The following CACNA2D4 variants were observed in gnomAD, a reference collection of about 807,000 sequenced individuals.
CACNA2D4 encodes the protein voltage-dependent calcium channel subunit alpha-2/delta-4.
CACNA2D4 carries 157 observed loss-of-function variants against 163.8 expected under a neutral mutation model. The ratio of observed to expected loss-of-function variants is 0.96; its 90% CI spans 0.84 to 1.09. CACNA2D4 has a LOEUF of 1.09. CACNA2D4 is among the 50% of genes least tolerant of loss of function. CACNA2D4 has a pLI of 0.00. For missense variants in CACNA2D4, 1,410 were observed against 1,479.9 expected (o/e 0.95, Z 0.78); for synonymous variants, 598 against 586.9 (o/e 1.02, Z -0.27).
chr12:1,829,605 C>T lies in CACNA2D4; in HGVS notation c.2551+11134G>A, dbSNP rs1471617155. The stretch of plus-strand genomic sequence containing the variant: ...GGAAGGGGAGAGTCTCATCCTGTTC[C>T]TTCAAGCTCCACCCTTTGGGACAGC... On this transcript the variant is annotated intron_variant, in intron 26 of 37. Transcript: ENST00000382722. The surrounding 1 kb of genome is among the most constrained non-coding windows in gnomAD (Gnocchi z 4.2). 1.3e-5 allele frequency among the ~76,000 whole-genome samples: 2 copies of T among 152,044 alleles called. No individual in the cohort carries two copies. Among genetic ancestry groups the T allele is most frequent in the East Asian group, 3.9e-4 (2 of 5,114 alleles).
At position 1,833,210 on chromosome 12, in the gene CACNA2D4, G is replaced by A. The variant is rs1864706732; in HGVS notation, c.2551+7529C>T. Among the ~76,000 whole-genome samples the A allele has an allele frequency of 6.6e-6, 1 of 152,236 alleles. No individual in the cohort carries two copies. On this transcript the variant is annotated intron_variant, in intron 26 of 37. Transcript: ENST00000382722. This position sits in a 1 kb window ranked among gnomAD's most constrained non-coding sequence, Gnocchi z 4.2. ...ATCGGCATCCCAGGGAAAGATTGAT[G>A]CCTATTGTATGAGGAGACTTGCGGC...
intron 7 of CACNA2D4, 146 bp from the exon 8 acceptor site, chr12:1,886,519 G>A: frequency 1.4e-6 from 1 of 726,852 alleles, no homozygotes. Context: ...GGTTTCACAT[G>A]TTCCATAACC....
In CACNA2D4 at chr12:1,856,070, C is replaced by T; in HGVS notation, c.2094G>A (p.Lys698=). Residue 698 remains lysine, a synonymous_variant, in exon 22 of 38, where the codon AAG becomes AAA. Transcript: ENST00000382722. The stretch of plus-strand genomic sequence containing the variant: ...GGATCATGGCCTCTAGCTGGCTGAG[C>T]TTCCGGTGGTCTGGGTCAATATCTG... ...CITDIDPDHR[K]LSQLEAMIRF... 6.2e-7 allele frequency: 1 copy of T among 1,614,038 alleles called. No individual in the cohort carries two copies. Among genetic ancestry groups the T allele is most frequent in the Non-Finnish European group, 8.5e-7 (1 of 1,179,890 alleles).
intron 26 of CACNA2D4, among the ~76,000 whole-genome samples, chr12:1,813,417 G>A (rs964445242): frequency 6.6e-6 from 1 of 152,192 alleles, no homozygotes; most frequent in African/African-American, 2.4e-5. Flanking sequence ...AGATGATGAA[G>A]ATGGCCTACA....
chr12:1,890,510 G>T (rs1866254847), intron 6 of CACNA2D4, among the ~76,000 whole-genome samples: 1 of 152,336 alleles, frequency 6.6e-6, no homozygotes, highest in Non-Finnish European at 1.5e-5. Flanking sequence ...TACAGCCGTT[G>T]CACTGTGGGC....
chr12:1,852,161 C>G (rs1865297188), intron 23 of CACNA2D4, among the ~76,000 whole-genome samples: 1 of 152,012 alleles, frequency 6.6e-6, no homozygotes, highest in Non-Finnish European at 1.5e-5. Flanking sequence ...ATAATTATGT[C>G]ATCTTTAAAC....
At position 1,874,529 on chromosome 12, in the gene CACNA2D4, C is replaced by A; in HGVS notation, c.1878+75G>T. The A allele has an allele frequency of 2.0e-6, 2 of 996,144 alleles. No homozygotes were observed. Among genetic ancestry groups the A allele is most frequent in the South Asian group, 1.3e-5 (1 of 74,206 alleles). 61.7% of individuals were successfully genotyped at this position (996,144 alleles called of 1,614,324 possible). ...AGCTATAATTAGGCTAAGTCCAGGT[C>A]CCTCGTCACTACTCCAAACCCAATT... is the stretch of plus-strand genomic sequence containing the variant. On this transcript the variant is annotated intron_variant, in intron 18 of 37. Transcript: ENST00000382722. The surrounding 1 kb of genome is among the most constrained non-coding windows in gnomAD (Gnocchi z 4.4).
At chr12:1,810,804 CTA>C (rs995376065) in intron 27 of CACNA2D4, among the ~76,000 whole-genome samples, 18 of 151,924 alleles carry the variant, frequency 1.2e-4, no homozygotes, top group Admixed American at 1.1e-3. Context: ...ATGTGTGTGT[CTA>C]TGTGTGGGGT....
chr12:1,845,741 C>A (rs947379799), intron 24 of CACNA2D4, among the ~76,000 whole-genome samples: 2 of 152,338 alleles, frequency 1.3e-5, no homozygotes, highest in South Asian at 4.1e-4. Flanking sequence ...GCCCCTGATT[C>A]CCCCAGAACC....
chr12:1,879,247 C>A lies in CACNA2D4; in HGVS notation c.1564-211G>T, dbSNP rs554719792. Among the ~76,000 whole-genome samples, 5 of 152,256 alleles carry A rather than the reference C, an allele frequency of 3.3e-5. No homozygotes were observed. The East Asian group carries it at 9.6e-4, about 29-fold the overall frequency. ...AAACCAGCTGCTAGGAAGATTAATA[C>A]CCAGTATTAATATTTAAGTTGTAAT... is the stretch of plus-strand genomic sequence containing the variant. On this transcript the variant is annotated intron_variant, in intron 14 of 37. Transcript: ENST00000382722.
intron 6 of CACNA2D4, among the ~76,000 whole-genome samples, chr12:1,903,554 G>GA (rs1035858137): frequency 6.6e-6 from 1 of 151,688 alleles, no homozygotes; most frequent in African/African-American, 2.4e-5. Context: ...TTTTAAATGG[G>GA]AAAAAATCTG....
chr12:1,910,067 G>A lies in CACNA2D4; in HGVS notation c.427-102C>T. 3.4e-6 allele frequency: 3 copies of A among 891,596 alleles called. No individual in the cohort carries two copies. The Admixed American group carries it at 5.9e-5, about 18-fold the overall frequency. The allele number at this position is 891,596 out of a possible 1,614,324, so 55.2% of individuals were successfully genotyped here. A position where few individuals can be genotyped will look rare whatever the true frequency, so the allele number is the denominator to read the frequency against. ...CGGGTGACCCAGCAATCCCACTCCTGGGTGTATGCCCAGAAGGATTGAAAA... is the reference window on the plus strand; with the variant it reads ...CGGGTGACCCAGCAATCCCACTCCTAGGTGTATGCCCAGAAGGATTGAAAA... On this transcript the variant is annotated intron_variant, in intron 3 of 37. Transcript: ENST00000382722.
At chr12:1,894,041 A>G (rs182809181) in intron 6 of CACNA2D4, among the ~76,000 whole-genome samples, 148 of 152,274 alleles carry the variant, frequency 9.7e-4, no homozygotes, top group African/African-American at 3.5e-3. Context: ...ACCCAAATGA[A>G]CAAAATCAGA....
chr12:1,891,933 T>C (rs1163547977), intron 6 of CACNA2D4, among the ~76,000 whole-genome samples: 1 of 152,168 alleles, frequency 6.6e-6, no homozygotes, highest in Admixed American at 6.5e-5. Flanking sequence ...TAGGACATCA[T>C]TAAGTGGCCA....
rs1592704924 is a variant in CACNA2D4, at chr12:1,843,004, C to A, written c.2470+1398G>T. On this transcript the variant is annotated intron_variant, in intron 25 of 37. Coordinates refer to ENST00000382722, the MANE Select transcript of CACNA2D4 (RefSeq NM_172364.5). This position sits in a 1 kb window ranked among gnomAD's most constrained non-coding sequence, Gnocchi z 4.6. ...CTCTGTGGCTCCCTTGCTGTGTGAC[C>A]CCGGGCAAGTTACAGAACCTCTCTG... 6.6e-6 allele frequency among the ~76,000 whole-genome samples: 1 copy of A among 152,062 alleles called. No individual in the cohort carries two copies. Among genetic ancestry groups the A allele is most frequent in the East Asian group, 1.9e-4 (1 of 5,156 alleles).
Position 1,801,094 on chromosome 12 carries a change from G to A in CACNA2D4, c.2817C>T (p.Ala939=), listed in dbSNP as rs2154445307. 9 of 1,613,836 alleles carry A rather than the reference G, an allele frequency of 5.6e-6. No homozygotes were observed. The highest frequency in any genetic ancestry group is 7.6e-6 in the Non-Finnish European group (9 of 1,179,844). The change falls in exon 31 of 38, where the codon GCC becomes GCT. Residue 939 remains alanine (A), a synonymous_variant. Transcript: ENST00000382722. ...FSQVTMYDYQ[A]MCKPSSHHHS... The stretch of plus-strand genomic sequence containing the variant: ...GGTGGTGACTCGAGGGTTTGCACAT[G>A]GCCTGATAGTCATACATAGTCACTC...
At chr12:1,900,177 T>C (rs1175391124) in intron 6 of CACNA2D4, among the ~76,000 whole-genome samples, 1 of 152,220 alleles carries the variant, frequency 6.6e-6, no homozygotes, top group Non-Finnish European at 1.5e-5. Context: ...TCACTCAGGC[T>C]GGAGTGCAGT....
Position 1,878,574 on chromosome 12 carries a change from C to T in CACNA2D4, c.1645-185G>A, listed in dbSNP as rs1039155689. The T allele has an allele frequency of 6.1e-5, 68 of 1,113,602 alleles. No individual in the cohort carries two copies. The highest frequency in any genetic ancestry group is 7.7e-5 in the African/African-American group (5 of 64,548). The allele number at this position is 1,113,602 out of a possible 1,614,324, so 69.0% of individuals were successfully genotyped here. A position where few individuals can be genotyped will look rare whatever the true frequency, so the allele number is the denominator to read the frequency against. On this transcript the variant is annotated intron_variant, in intron 15 of 37. Transcript: ENST00000382722. This position sits in a 1 kb window ranked among gnomAD's most constrained non-coding sequence, Gnocchi z 4.6. ...ATTGATTGAGGAGTCCTTTCCAAAC[C>T]GGACTGTTTATAGCAACCGTCATCA...
Position 1,918,371 on chromosome 12 carries a change from T to C in CACNA2D4, c.103A>G (p.Ile35Val). 6.2e-7 allele frequency: 1 copy of C among 1,605,026 alleles called. No homozygotes were observed. Among genetic ancestry groups the C allele is most frequent in the Non-Finnish European group, 8.5e-7 (1 of 1,176,058 alleles). ...GCCACGGGCATTGGCTGGAGGGGAA[T>C]CCAGCGGCTGCTGGAGCTGGGGTTT... ...LANPSSSSRWIPLQPMPVAWA... is the reference protein window; with the variant it reads ...LANPSSSSRWVPLQPMPVAWA... Residue 35 changes from isoleucine (I) to valine (V), a missense_variant, in exon 1 of 38, where the codon ATT becomes GTT. Transcript: ENST00000382722.
Sources: gnomAD v4.1 joint callset for allele counts (sites outside exome capture counted in the v4.1 genomes callset) on GRCh38, gnomAD v4.1.1 for gene constraint, Gnocchi (gnomAD v3.1) non-coding constraint, MANE v1.5 for transcripts, NCBI Gene and HGNC (gene_info 2026-07-23, HGNC 2026-07-21) for gene names.